The following MMP26 variants were observed in gnomAD, a reference collection of about 807,000 sequenced individuals.
MMP26 encodes matrix metalloproteinase-26.
A neutral mutation model predicts 31.0 loss-of-function variants in MMP26; 33 were observed. The observed-to-expected ratio is 1.06, with a 90% CI of 0.81 to 1.42. The LOEUF is 1.42. Among genes scored for constraint, MMP26 ranks in the 40% most tolerant of loss-of-function variants. The pLI, the probability that MMP26 is intolerant of heterozygous loss-of-function variation, is 0.00. For missense variants in MMP26, 347 were observed against 316.1 expected (o/e 1.10, Z -0.74); for synonymous variants, 122 against 114.9 (o/e 1.06, Z -0.40).
At chr11:4,732,881 G>C (rs1848193148) in intron 1 of MMP26, among the ~76,000 whole-genome samples, 1 of 152,144 alleles carries the variant, frequency 6.6e-6, no homozygotes, top group African/African-American at 2.4e-5. Context: ...TGGAAATTTG[G>C]GCGGCAGCGC....
At chr11:4,918,721 A>C (rs1851136195) in intron 2 of MMP26, among the ~76,000 whole-genome samples, 1 of 152,148 alleles carries the variant, frequency 6.6e-6, no homozygotes, top group African/African-American at 2.4e-5. Context: ...TCTGCCCTCA[A>C]GTTGTTTTGC....
intron 2 of MMP26, among the ~76,000 whole-genome samples, chr11:4,883,563 C>T (rs1437153530): frequency 6.6e-6 from 1 of 152,070 alleles, no homozygotes; most frequent in Non-Finnish European, 1.5e-5. Context: ...TCATTGTTTT[C>T]TCATTGCCTA....
In MMP26 at chr11:4,715,458, T is replaced by G. The variant is rs1164793000; in HGVS notation, c.-217+10413T>G. Among the ~76,000 whole-genome samples the G allele has an allele frequency of 2.0e-5, 3 of 152,126 alleles. No homozygotes were observed. The East Asian group carries it at 5.8e-4, about 29-fold the overall frequency. On this transcript the variant is annotated intron_variant, in intron 1 of 7. Transcript: ENST00000380390. ...AAATTCATGTTTAATTTATACGTAGTTCGGTGGATCAAATAGTGGATCTAA... is the reference window on the plus strand; with the variant it reads ...AAATTCATGTTTAATTTATACGTAGGTCGGTGGATCAAATAGTGGATCTAA...
chr11:4,769,419 G>A, intron 2 of MMP26: 1 of 1,613,700 alleles, frequency 6.2e-7, no homozygotes, highest in Non-Finnish European at 8.5e-7. Flanking sequence ...AAATAGAGAG[G>A]CTTAAGGAGC....
intron 2 of MMP26, among the ~76,000 whole-genome samples, chr11:4,841,693 G>A (rs1336661453): frequency 6.6e-6 from 1 of 152,192 alleles, no homozygotes; most frequent in Non-Finnish European, 1.5e-5. Context: ...AGCACTTTGG[G>A]AGGCCGAAGC....
intron 2 of MMP26, among the ~76,000 whole-genome samples, chr11:4,840,251 C>T (rs1849776125): frequency 6.6e-6 from 1 of 152,226 alleles, no homozygotes; most frequent in African/African-American, 2.4e-5. Context: ...TAGGGGATCT[C>T]ACCTTCCTGA....
intron 2 of MMP26, chr11:4,803,504 T>G: frequency 1.2e-6 from 2 of 1,613,960 alleles, no homozygotes; most frequent in South Asian, 2.2e-5. Context: ...CCATAAATGA[T>G]GGGGTTGAGC....
intron 1 of MMP26, among the ~76,000 whole-genome samples, chr11:4,714,440 A>T (rs994110219): frequency 2.6e-5 from 4 of 152,136 alleles, no homozygotes; most frequent in Non-Finnish European, 4.4e-5. Context: ...AGCCACTACC[A>T]CCGTCACACA....
intron 2 of MMP26, among the ~76,000 whole-genome samples, chr11:4,950,581 G>T (rs1449691687): frequency 8.3e-6 from 1 of 120,700 alleles, no homozygotes. Flanking sequence ...GAATAAATTC[G>T]ATTATTTTAT....
At chr11:4,924,907 T>G (rs1851247230) in intron 2 of MMP26, among the ~76,000 whole-genome samples, 1 of 152,220 alleles carries the variant, frequency 6.6e-6, no homozygotes, top group African/African-American at 2.4e-5. Context: ...TCCTGTAATA[T>G]CTGAACTGAG....
At chr11:4,963,733 T>G (rs1264288994) in intron 2 of MMP26, among the ~76,000 whole-genome samples, 5 of 152,284 alleles carry the variant, frequency 3.3e-5, no homozygotes, top group Middle Eastern at 3.4e-3. Context: ...CTCTTACCAA[T>G]GGTGTAAAAG....
At chr11:4,978,411 C>G (rs529691643) in intron 2 of MMP26, among the ~76,000 whole-genome samples, 6 of 152,160 alleles carry the variant, frequency 3.9e-5, no homozygotes, top group African/African-American at 1.2e-4. Flanking sequence ...TCTTTGCTTA[C>G]TGGTATCTTA....
At position 4,951,710 on chromosome 11, in the gene MMP26, C is replaced by A. The variant is rs1457965406; in HGVS notation, c.-144-36358C>A. Among the ~76,000 whole-genome samples, 2 of 123,758 alleles carry A rather than the reference C, an allele frequency of 1.6e-5. 1 individual carries two copies. The highest frequency in any genetic ancestry group is 4.8e-4 in the South Asian group (2 of 4,154). The allele number at this position is 123,758 out of a possible 152,430, so 81.2% of individuals were successfully genotyped here. On this transcript the variant is annotated intron_variant, in intron 2 of 7. Transcript: ENST00000380390. ...AGATTGGCATATGAACCAATTGCACCAGTCACATTAAGTTTTTATCCTTGG... is the reference window on the plus strand; with the variant it reads ...AGATTGGCATATGAACCAATTGCACAAGTCACATTAAGTTTTTATCCTTGG...
intron 2 of MMP26, among the ~76,000 whole-genome samples, chr11:4,868,710 A>T (rs962580613): frequency 3.9e-5 from 6 of 152,226 alleles, no homozygotes; most frequent in African/African-American, 7.2e-5. Flanking sequence ...AGAATTGGAA[A>T]AAACTACTTT....
At chr11:4,804,445 C>T (rs747409118) in intron 2 of MMP26, 2 of 1,251,374 alleles carry the variant, frequency 1.6e-6, no homozygotes, top group Admixed American at 3.4e-5. Context: ...ACAATCAAAA[C>T]AAGTGTTATT....
chr11:4,817,502 G>C (rs908511135), intron 2 of MMP26, among the ~76,000 whole-genome samples: 2 of 152,074 alleles, frequency 1.3e-5, no homozygotes, highest in African/African-American at 4.8e-5. Context: ...TGGAAGGATT[G>C]CTTGGGCCTG....
At chr11:4,859,319 C>G (rs140001758) in intron 2 of MMP26, among the ~76,000 whole-genome samples, 4 of 152,256 alleles carry the variant, frequency 2.6e-5, no homozygotes, top group Non-Finnish European at 4.4e-5. Flanking sequence ...TTAGTGTTAT[C>G]TGGATAAATG....
intron 2 of MMP26, among the ~76,000 whole-genome samples, chr11:4,799,283 C>A (rs1238483476): frequency 1.3e-5 from 2 of 152,062 alleles, no homozygotes; most frequent in Non-Finnish European, 2.9e-5. Flanking sequence ...AGGCTTCTGG[C>A]AAGGCCTCAG....
rs376553434 is a variant in MMP26 at position 4,748,576 on chromosome 11, C to CAAAAAA, written c.-216-18684_-216-18679dup. Among the ~76,000 whole-genome samples the CAAAAAA allele has an allele frequency of 4.1e-5, 5 of 122,712 alleles. 1 individual carries two copies. Among genetic ancestry groups the CAAAAAA allele is most frequent in the African/African-American group, 8.6e-5 (3 of 35,006 alleles). 80.5% of individuals were successfully genotyped at this position (122,712 alleles called of 152,430 possible). On this transcript the variant is annotated intron_variant, in intron 1 of 7. Transcript: ENST00000380390. ...TAGCAAACTGAATCAAACAGCACATCAAAAAAAAAAAAAAACACAACAATG... is the reference window on the plus strand; with the variant it reads ...TAGCAAACTGAATCAAACAGCACATCAAAAAAAAAAAAAAAAAAAAACACAACAATG...
Sources: gnomAD v4.1 joint callset for allele counts (sites outside exome capture counted in the v4.1 genomes callset) on GRCh38, gnomAD v4.1.1 for gene constraint, MANE v1.5 for transcripts, NCBI Gene and HGNC (gene_info 2026-07-23, HGNC 2026-07-21) for gene names.